Variants in NAV3 observed in about 807,000 individuals in gnomAD.
NAV3 encodes pore membrane and/or filament interacting like protein 1.
A neutral mutation model predicts 244.7 loss-of-function variants in NAV3; 87 were observed. That is an observed-to-expected ratio of 0.36 (90% CI 0.30 to 0.42). NAV3 has a LOEUF of 0.42. Among genes scored for constraint, NAV3 ranks in the 20% least tolerant of loss-of-function variants. The pLI is 1.00. For synonymous variants in NAV3, 1,126 were observed against 1,042.2 expected (o/e 1.08, Z -1.55); for missense variants, 2,663 against 2,893.3 (o/e 0.92, Z 1.83).
intron 8 of NAV3, among the ~76,000 whole-genome samples, chr12:78,020,909 C>A (rs535505263): frequency 6.6e-6 from 1 of 152,074 alleles, no homozygotes; most frequent in African/African-American, 2.4e-5. Flanking sequence ...GTGTGCAATC[C>A]TATATTACCT....
intron 23 of NAV3, among the ~76,000 whole-genome samples, chr12:78,165,969 A>C (rs1338397282): frequency 6.9e-5 from 2 of 29,092 alleles, no homozygotes; most frequent in Non-Finnish European, 1.7e-4. Context: ...ACCCTCCTGC[A>C]AAAAAAAAAA....
chr12:78,009,445 CAAAAAAAAAAAAA>C (rs35722033), intron 8 of NAV3, among the ~76,000 whole-genome samples: 13 of 69,896 alleles, frequency 1.9e-4, no homozygotes, highest in Non-Finnish European at 3.4e-4. Context: ...GAGGGAAACT[CAAAAAAAAAAAAA>C]AAAAAAAAAA....
chr12:77,855,624 A>G (rs1878283259), intron 1 of NAV3, among the ~76,000 whole-genome samples: 1 of 152,226 alleles, frequency 6.6e-6, no homozygotes, highest in South Asian at 2.1e-4. Flanking sequence ...AATGCAGTTG[A>G]AGAGACACTG....
chr12:78,010,165 T>A (rs1192698774), intron 8 of NAV3, among the ~76,000 whole-genome samples: 3 of 152,222 alleles, frequency 2.0e-5, no homozygotes, highest in Non-Finnish European at 4.4e-5. Context: ...AAATAATATG[T>A]AAATCCTCAA....
chr12:77,982,536 T>C (rs932772689), intron 5 of NAV3, among the ~76,000 whole-genome samples: 1 of 152,198 alleles, frequency 6.6e-6, no homozygotes, highest in Non-Finnish European at 1.5e-5. Flanking sequence ...GGAAATGCCA[T>C]TTCACATTCA....
At chr12:77,785,980 G>T (rs1344605109) in intron 2 of NAV3, among the ~76,000 whole-genome samples, 1 of 152,172 alleles carries the variant, frequency 6.6e-6, no homozygotes, top group Non-Finnish European at 1.5e-5. Context: ...CTTAGCAGGA[G>T]CTGAGTGATC....
intron 2 of NAV3, among the ~76,000 whole-genome samples, chr12:77,575,826 G>T (rs1488882457): frequency 6.6e-6 from 1 of 152,078 alleles, no homozygotes; most frequent in African/African-American, 2.4e-5. Flanking sequence ...TATTTTACTA[G>T]GTAGTGATAA....
At chr12:77,868,713 G>A (rs1163884613) in intron 1 of NAV3, among the ~76,000 whole-genome samples, 6 of 141,504 alleles carry the variant, frequency 4.2e-5, no homozygotes, top group Non-Finnish European at 9.0e-5. Flanking sequence ...CTGAGATTGG[G>A]CCACTGCACT....
At chr12:77,921,432 C>T (rs961456400) in intron 1 of NAV3, among the ~76,000 whole-genome samples, 18 of 151,898 alleles carry the variant, frequency 1.2e-4, no homozygotes, top group African/African-American at 3.9e-4. Flanking sequence ...ATCCTGAAAC[C>T]GAGAAGTAGC....
intron 1 of NAV3, among the ~76,000 whole-genome samples, chr12:77,887,790 A>G (rs545300671): frequency 3.9e-5 from 6 of 152,316 alleles, no homozygotes; most frequent in Admixed American, 3.3e-4. Context: ...ACTAAACCTC[A>G]TTTCATCCAC....
At chr12:77,752,138 AG>A (rs1868887478) in intron 2 of NAV3, among the ~76,000 whole-genome samples, 1 of 152,152 alleles carries the variant, frequency 6.6e-6, no homozygotes, top group Non-Finnish European at 1.5e-5. Context: ...TTTCCATAAA[AG>A]GTATGAGTTT....
intron 1 of NAV3, among the ~76,000 whole-genome samples, chr12:77,932,457 T>C (rs1017044463): frequency 6.6e-6 from 1 of 152,196 alleles, no homozygotes; most frequent in Non-Finnish European, 1.5e-5. Context: ...ACTACTCTGC[T>C]ACATGTGTAT....
intron 2 of NAV3, among the ~76,000 whole-genome samples, chr12:77,818,804 T>C (rs1367776408): frequency 6.6e-6 from 1 of 152,106 alleles, no homozygotes; most frequent in Non-Finnish European, 1.5e-5. Flanking sequence ...ATTCCAGAAA[T>C]ATATGTGAGA....
At chr12:77,610,347 T>C (rs957715468) in intron 2 of NAV3, among the ~76,000 whole-genome samples, 5 of 152,102 alleles carry the variant, frequency 3.3e-5, no homozygotes, top group Non-Finnish European at 5.9e-5. Context: ...TTTTACTTAA[T>C]CTTTATGTCC....
chr12:77,684,556 C>G (rs2137127875), intron 2 of NAV3, among the ~76,000 whole-genome samples: 1 of 152,162 alleles, frequency 6.6e-6, no homozygotes, highest in Middle Eastern at 3.4e-3. Flanking sequence ...CTCCTGGCCT[C>G]AAGAGATTCT....
chr12:78,178,415 C>T (rs1958348863), intron 28 of NAV3, among the ~76,000 whole-genome samples: 1 of 152,014 alleles, frequency 6.6e-6, no homozygotes, highest in Non-Finnish European at 1.5e-5. Flanking sequence ...CCCACCTCGG[C>T]CTCCCAAAGT....
At chr12:77,768,096 A>C (rs943738652) in intron 2 of NAV3, among the ~76,000 whole-genome samples, 2 of 152,210 alleles carry the variant, frequency 1.3e-5, no homozygotes, top group Non-Finnish European at 2.9e-5. Flanking sequence ...AGTAGAACCT[A>C]TCCACAGGTA....
chr12:77,660,798 C>A (rs887731132), intron 2 of NAV3, among the ~76,000 whole-genome samples: 1 of 152,108 alleles, frequency 6.6e-6, no homozygotes, highest in South Asian at 2.1e-4. Flanking sequence ...AGCTTTGTCT[C>A]TATAGTTTTG....
chr12:78,200,304 AG>A (rs1420781918), intron 37 of NAV3, among the ~76,000 whole-genome samples, 168 bp from the exon 38 acceptor site: 2 of 152,140 alleles, frequency 1.3e-5, no homozygotes, highest in African/African-American at 4.8e-5. Flanking sequence ...AGAATAGGCT[AG>A]GATATTGGGT....
Sources: gnomAD v4.1 joint callset for allele counts (sites outside exome capture counted in the v4.1 genomes callset) on GRCh38, gnomAD v4.1.1 for gene constraint, MANE v1.5 for transcripts, NCBI Gene and HGNC (gene_info 2026-07-23, HGNC 2026-07-21) for gene names.